Variants in CACNA2D1 observed in about 807,000 individuals in gnomAD.
CACNA2D1 encodes the protein calcium voltage-gated channel auxiliary subunit alpha2delta 1.
CACNA2D1 carries 53 observed loss-of-function variants against 171.5 expected under a neutral mutation model. The observed-to-expected ratio is 0.31, with a 90% CI of 0.25 to 0.39. The LOEUF (loss-of-function observed/expected upper bound fraction) is 0.39, where lower values mean the gene tolerates loss of function less well. Among genes scored for constraint, CACNA2D1 ranks in the 10% least tolerant of loss-of-function variants. CACNA2D1 has a pLI of 1.00. For missense variants in CACNA2D1, 903 were observed against 1,299.8 expected, an observed-to-expected ratio of 0.69 and a Z score of 4.69; for synonymous variants, 442 against 443.1, an observed-to-expected ratio of 1.00 and a Z score of 0.03.
chr7:82,398,823 C>G (rs1303099410), intron 1 of CACNA2D1, among the ~76,000 whole-genome samples: 2 of 152,050 alleles, frequency 1.3e-5, no homozygotes, highest in African/African-American at 4.8e-5. Context: ...AAGAGATTCT[C>G]CTGCCTCACC....
chr7:82,385,561 T>C (rs568538473), intron 1 of CACNA2D1, among the ~76,000 whole-genome samples: 3 of 152,356 alleles, frequency 2.0e-5, no homozygotes, highest in East Asian at 1.9e-4. Context: ...TTCCAAAACA[T>C]TTTTGCAAAT....
At chr7:82,158,086 CAT>C (rs1164078265) in intron 4 of CACNA2D1, among the ~76,000 whole-genome samples, 1 of 151,702 alleles carries the variant, frequency 6.6e-6, no homozygotes, top group Non-Finnish European at 1.5e-5. Flanking sequence ...TATATGTAAA[CAT>C]ATCTATTTTG....
chr7:81,955,627 G>C (rs1793149040), intron 38 of CACNA2D1, among the ~76,000 whole-genome samples: 1 of 151,686 alleles, frequency 6.6e-6, no homozygotes, highest in Non-Finnish European at 1.5e-5. Context: ...AGATCAGAAG[G>C]ATATAGATTA....
intron 1 of CACNA2D1, among the ~76,000 whole-genome samples, chr7:82,381,658 C>T (rs1823727843): frequency 6.6e-6 from 1 of 151,880 alleles, no homozygotes; most frequent in African/African-American, 2.4e-5. Context: ...AAATTTATGG[C>T]AGGGCTGTCT....
At chr7:82,013,859 A>G (rs1238096162) in intron 13 of CACNA2D1, among the ~76,000 whole-genome samples, 3 of 151,958 alleles carry the variant, frequency 2.0e-5, no homozygotes, top group Admixed American at 6.6e-5. Flanking sequence ...TTGCCTAAAT[A>G]TAACTTTCAG....
intron 3 of CACNA2D1, among the ~76,000 whole-genome samples, chr7:82,255,998 C>T (rs544115810): frequency 2.6e-5 from 4 of 152,146 alleles, no homozygotes; most frequent in South Asian, 2.1e-4. Context: ...ACTATCAGGC[C>T]GGGTGCAGTG....
chr7:82,282,752 A>G (rs1349082905), intron 3 of CACNA2D1, among the ~76,000 whole-genome samples: 2 of 152,134 alleles, frequency 1.3e-5, no homozygotes, highest in Non-Finnish European at 2.9e-5. Context: ...CCAAAACAAT[A>G]AAATTGATTC....
chr7:82,058,419 A>G (rs1214522693), intron 10 of CACNA2D1, among the ~76,000 whole-genome samples: 29 of 152,190 alleles, frequency 1.9e-4, no homozygotes. Flanking sequence ...TTGCTATGCC[A>G]CAGATAGTAT....
At chr7:82,075,029 C>A (rs1270800702) in intron 7 of CACNA2D1, among the ~76,000 whole-genome samples, 2 of 152,022 alleles carry the variant, frequency 1.3e-5, no homozygotes, top group Non-Finnish European at 2.9e-5. Context: ...CATCCCCTGA[C>A]AGACCCCAGT....
chr7:82,197,413 G>A (rs187962965), intron 3 of CACNA2D1, among the ~76,000 whole-genome samples: 23 of 152,160 alleles, frequency 1.5e-4, no homozygotes, highest in Admixed American at 1.0e-3. Context: ...TTAAAATCAT[G>A]TATGTGCTAC....
intron 6 of CACNA2D1, among the ~76,000 whole-genome samples, chr7:82,108,056 A>G (rs2129044589): frequency 6.6e-6 from 1 of 152,278 alleles, no homozygotes; most frequent in African/African-American, 2.4e-5. Context: ...ACCACGTCAC[A>G]TTTGTACAAA....
At chr7:82,094,069 GCA>G (rs1439933385) in intron 6 of CACNA2D1, among the ~76,000 whole-genome samples, 2 of 152,092 alleles carry the variant, frequency 1.3e-5, no homozygotes, top group Admixed American at 1.3e-4. Context: ...TGTCAATGAG[GCA>G]CACACAGCTT....
intron 3 of CACNA2D1, among the ~76,000 whole-genome samples, chr7:82,294,551 C>T (rs907706096): frequency 2.0e-5 from 3 of 152,000 alleles, no homozygotes; most frequent in African/African-American, 7.2e-5. Flanking sequence ...CAATAAAAAG[C>T]AGATTGACTA....
In CACNA2D1 at chr7:82,390,180, A is replaced by G. The variant is rs187462797; in HGVS notation, c.96-40531T>C. ...CAGTGAAATTAGCTGTAGGAATAAG[A>G]TTGGAGACAGCAATTCCTTTCTAAG... is the stretch of plus-strand genomic sequence containing the variant. On this transcript the variant is annotated intron_variant, in intron 1 of 38. Coordinates refer to ENST00000356860, the MANE Select transcript of CACNA2D1 (RefSeq NM_000722.4). Among the ~76,000 whole-genome samples, 21 of 152,334 alleles carry G rather than the reference A, an allele frequency of 1.4e-4. No homozygotes were observed. The East Asian group carries it at 3.5e-3, about 25-fold the overall frequency.
chr7:82,198,353 C>A (rs1799060260), intron 3 of CACNA2D1, among the ~76,000 whole-genome samples: 1 of 152,126 alleles, frequency 6.6e-6, no homozygotes, highest in Admixed American at 6.6e-5. Context: ...TGGGCAAATT[C>A]TTTCCCCTCT....
At chr7:82,331,060 T>TA (rs1817247859) in intron 3 of CACNA2D1, among the ~76,000 whole-genome samples, 1 of 152,140 alleles carries the variant, frequency 6.6e-6, no homozygotes, top group African/African-American at 2.4e-5. Context: ...GCATGCATAT[T>TA]AAAGTTTAAG....
rs73374370 is a variant in CACNA2D1, at chr7:82,284,510, C to A, written c.294+50625G>T. On this transcript the variant is annotated intron_variant, in intron 3 of 38. Transcript: ENST00000356860. ...CATTTATAAACAAAGAAATTTATTTCTCAGTTCTGAAGGCTGGCAAGTTCA... is the reference window on the plus strand; with the variant it reads ...CATTTATAAACAAAGAAATTTATTTATCAGTTCTGAAGGCTGGCAAGTTCA... 3.6e-3 allele frequency among the ~76,000 whole-genome samples: 544 copies of A among 152,288 alleles called. 3 individuals carry two copies. The highest frequency in any genetic ancestry group is 0.012 in the African/African-American group (507 of 41,562).
At position 82,136,687 on chromosome 7, in the gene CACNA2D1, A is replaced by T; in HGVS notation, c.355-11T>A. On this transcript the variant is annotated splice_polypyrimidine_tract_variant and intron_variant, in intron 4 of 38. Coordinates refer to ENST00000356860, the MANE Select transcript of CACNA2D1 (RefSeq NM_000722.4). ...GACAACTTCATTGCTCTACAAAAAA[A>T]AAAGAACGCTTTATTGATTTTAATA... The T allele has an allele frequency of 6.4e-7, 1 of 1,565,574 alleles. No homozygotes were observed. The highest frequency in any genetic ancestry group is 8.7e-7 in the Non-Finnish European group (1 of 1,148,876).
At chr7:82,124,352 G>T (rs898704735) in intron 5 of CACNA2D1, among the ~76,000 whole-genome samples, 1 of 151,994 alleles carries the variant, frequency 6.6e-6, no homozygotes, top group African/African-American at 2.4e-5. Context: ...AGGCAAAATG[G>T]AAAGTACCTC....
Sources: gnomAD v4.1 joint callset for allele counts (sites outside exome capture counted in the v4.1 genomes callset) on GRCh38, gnomAD v4.1.1 for gene constraint, MANE v1.5 for transcripts, NCBI Gene and HGNC (gene_info 2026-07-23, HGNC 2026-07-21) for gene names.